Variants in VIRMA observed in about 807,000 individuals in gnomAD.
VIRMA encodes vir like m6A methyltransferase associated.
Under a neutral mutation model 182.4 loss-of-function variants are expected in VIRMA, and 65 were observed. That is an observed-to-expected ratio of 0.36 (90% CI 0.29 to 0.44). VIRMA has a LOEUF of 0.44. Among genes scored for constraint, VIRMA ranks in the 20% least tolerant of loss-of-function variants. VIRMA has a pLI of 1.00. For missense variants in VIRMA, 1,752 were observed against 2,158.1 expected (o/e 0.81, Z 3.73); for synonymous variants, 709 against 743.1 (o/e 0.95, Z 0.75).
At chr8:94,512,216 T>C in intron 11 of VIRMA, 127 bp from the exon 12 acceptor site, 1 of 357,242 alleles carries the variant, frequency 2.8e-6, no homozygotes, top group East Asian at 4.4e-5. Flanking sequence ...TTTATATTTA[T>C]TAAGTAAATT....
intron 16 of VIRMA, among the ~76,000 whole-genome samples, chr8:94,499,812 A>C (rs1210187049): frequency 6.6e-6 from 1 of 151,964 alleles, no homozygotes; most frequent in Non-Finnish European, 1.5e-5. Context: ...TGGGAGGCCG[A>C]AGGTGGTGGA....
chr8:94,545,852 A>C (rs1279372061), intron 1 of VIRMA, among the ~76,000 whole-genome samples: 1 of 152,134 alleles, frequency 6.6e-6, no homozygotes, highest in Non-Finnish European at 1.5e-5. Context: ...GGCAGGGTTC[A>C]AGAAGATCAG....
At chr8:94,541,422 T>C (rs1426149095) in intron 2 of VIRMA, among the ~76,000 whole-genome samples, 1 of 152,162 alleles carries the variant, frequency 6.6e-6, no homozygotes, top group Non-Finnish European at 1.5e-5. Flanking sequence ...TTAAAGGGAT[T>C]TTAATTTTAT....
rs1158307997 is a variant in VIRMA, at chr8:94,519,169, G to A, written c.2329C>T (p.His777Tyr). The change falls in exon 9 of 24, where the codon CAT becomes TAT. Residue 777 changes from histidine to tyrosine, a missense_variant. Transcript: ENST00000297591. ...TLQCITELFS[H>Y]FQRCTASEET... is the part of the protein sequence containing the mutation. ...TCACTGGCTGTACAACGCTGAAAAT[G>A]GCTGAACAGTTCTGTAATACATTGC... The A allele has an allele frequency of 1.2e-6, 2 of 1,613,996 alleles. No individual in the cohort carries two copies. Among genetic ancestry groups the A allele is most frequent in the Non-Finnish European group, 8.5e-7 (1 of 1,179,998 alleles).
At chr8:94,488,958 C>A in intron 23 of VIRMA, 98 bp from the exon 24 acceptor site, 4 of 1,351,510 alleles carry the variant, frequency 3.0e-6, no homozygotes, top group Non-Finnish European at 3.0e-6. Context: ...AAGAATTACT[C>A]TATTCTCTTT....
chr8:94,496,425 C>T lies in VIRMA; in HGVS notation c.4286G>A (p.Arg1429Gln), dbSNP rs745666981. 1 of 1,613,310 alleles carries T rather than the reference C, an allele frequency of 6.2e-7. No individual in the cohort carries two copies. Among genetic ancestry groups the T allele is most frequent in the Non-Finnish European group, 8.5e-7 (1 of 1,179,382 alleles). Reference sequence around the variant, plus strand: ...CTCTGCAGCATTAATACTCATCGTCCGTGATGTATGAGCTCCCTCTACTTC... The same window carrying T: ...CTCTGCAGCATTAATACTCATCGTCTGTGATGTATGAGCTCCCTCTACTTC... ...LMEVEGAHTS[R>Q]TMSINAAELK... Residue 1429 changes from arginine (R) to glutamine (Q), a missense_variant, in exon 18 of 24, where the codon CGG becomes CAG. This residue lies in a region of VIRMA where 777 missense variants were observed against 920.6 expected (regional missense o/e 0.84). Coordinates refer to ENST00000297591, the MANE Select transcript of VIRMA (RefSeq NM_015496.5).
rs111585924 is a variant in VIRMA, at chr8:94,504,451, G to A, written c.4097+2049C>T. ...ATGTTTTGTTCCTCACCTCTTTCAG[G>A]TCTTCATCTTTGTTCAAGGGTTTTT... On this transcript the variant is annotated intron_variant, in intron 16 of 23. Coordinates refer to ENST00000297591, the MANE Select transcript of VIRMA (RefSeq NM_015496.5). Among the ~76,000 whole-genome samples the A allele has an allele frequency of 4.1e-3, 628 of 152,168 alleles. 3 individuals carry two copies. Among genetic ancestry groups the A allele is most frequent in the Non-Finnish European group, 7.1e-3 (482 of 68,022 alleles).
Position 94,506,684 on chromosome 8 carries a change from C to T in VIRMA, c.3913G>A (p.Gly1305Ser). The T allele has an allele frequency of 6.2e-7, 1 of 1,613,670 alleles. No homozygotes were observed. The highest frequency in any genetic ancestry group is 8.5e-7 in the Non-Finnish European group (1 of 1,179,868). The change falls in exon 16 of 24, where the codon GGT becomes AGT. Residue 1305 changes from glycine to serine, a missense_variant. By Grantham distance (56) the Gly-to-Ser change is moderately conservative. Around this residue, in one of 11 missense-constraint regions of VIRMA, gnomAD observed 777 missense variants for 920.6 expected, o/e 0.84. Coordinates refer to ENST00000297591, the MANE Select transcript of VIRMA (RefSeq NM_015496.5). ...IALILPSSSE[G>S]SISELEQLSN... ...AGCTGCTCCAGTTCAGAAATAGAAC[C>T]TTCAGAAGAGCTTGGTAAGATAAGT... is the stretch of plus-strand genomic sequence containing the variant.
At chr8:94,496,224 A>G in intron 18 of VIRMA, 104 bp downstream of exon 18, 1 of 926,458 alleles carries the variant, frequency 1.1e-6, no homozygotes, top group Non-Finnish European at 1.6e-6. Flanking sequence ...ACAAACACCC[A>G]GCTAAAGATT....
At chr8:94,537,005 T>C (rs1260821645) in intron 4 of VIRMA, 98 bp downstream of exon 4, 6 of 822,850 alleles carry the variant, frequency 7.3e-6, no homozygotes, top group Admixed American at 2.1e-5. Context: ...AAAAAAAAGA[T>C]ATGACACTCT....
chr8:94,548,282 T>C (rs1187467437), intron 1 of VIRMA, among the ~76,000 whole-genome samples: 1 of 151,164 alleles, frequency 6.6e-6, no homozygotes, highest in Admixed American at 6.6e-5. Flanking sequence ...ACTTCTTGAT[T>C]CACAAAGATG....
intron 4 of VIRMA, among the ~76,000 whole-genome samples, chr8:94,535,234 T>C (rs556719052): frequency 6.6e-6 from 1 of 152,194 alleles, no homozygotes; most frequent in Non-Finnish European, 1.5e-5. Flanking sequence ...CCCAGTCCTA[T>C]GCTTTATGTC....
intron 9 of VIRMA, 81 bp from the exon 10 acceptor site, chr8:94,518,023 G>T: frequency 1.0e-5 from 10 of 990,352 alleles, no homozygotes; most frequent in Non-Finnish European, 1.5e-5. Context: ...CTTCTACTTG[G>T]CTTTAAAGAG....
intron 16 of VIRMA, among the ~76,000 whole-genome samples, chr8:94,503,350 T>C (rs1814056279): frequency 6.6e-6 from 1 of 152,228 alleles, no homozygotes; most frequent in Admixed American, 6.5e-5. Flanking sequence ...CAGTAATATA[T>C]AGAAACATCA....
chr8:94,537,139 A>G lies in VIRMA; in HGVS notation c.279T>C (p.Asp93=). 6.2e-7 allele frequency: 1 copy of G among 1,602,184 alleles called. No homozygotes were observed. The highest frequency in any genetic ancestry group is 8.6e-7 in the Non-Finnish European group (1 of 1,169,222). The change falls in exon 4 of 24, where the codon GAT becomes GAC. Residue 93 remains aspartate, a synonymous_variant. Transcript: ENST00000297591. Reference sequence around the variant, plus strand: ...GTCTAAAGATGATGGAAGTATTCTCATCATATTCCAGGCTGTCAAGAGAGT... The same window carrying G: ...GTCTAAAGATGATGGAAGTATTCTCGTCATATTCCAGGCTGTCAAGAGAGT... ...VFDRLGSLEY[D]ENTSIIFRPN...
chr8:94,552,483 A>T (rs1456625764), intron 1 of VIRMA, among the ~76,000 whole-genome samples: 1 of 152,242 alleles, frequency 6.6e-6, no homozygotes, highest in Non-Finnish European at 1.5e-5. Flanking sequence ...CACACTTGAT[A>T]AAAATAAAAG....
At chr8:94,536,441 TAAGA>T (rs1815345258) in intron 4 of VIRMA, among the ~76,000 whole-genome samples, 1 of 152,188 alleles carries the variant, frequency 6.6e-6, no homozygotes, top group African/African-American at 2.4e-5. Context: ...ATATTTTTGA[TAAGA>T]AAGGAGAAAT....
Position 94,519,214 on chromosome 8 carries a change from G to A in VIRMA, c.2284C>T (p.Gln762Ter). 1 of 1,613,514 alleles carries A rather than the reference G, an allele frequency of 6.2e-7. No individual in the cohort carries two copies. The highest frequency in any genetic ancestry group is 8.5e-7 in the Non-Finnish European group (1 of 1,179,946). ...VIDDAFALWL[Q>*]DSTQTLQCIT... The stretch of plus-strand genomic sequence containing the variant: ...CATTGCAATGTCTGTGTTGAGTCCT[G>A]TAGCCACAAGGCAAATGCATCATCA... The change falls in exon 9 of 24, where the codon CAG (glutamine) becomes TAG (stop). Residue 762 changes from glutamine (Q) to a stop codon, truncating the protein, a stop_gained. Coordinates refer to ENST00000297591, the MANE Select transcript of VIRMA (RefSeq NM_015496.5). LOFTEE classifies it high-confidence loss of function.
At chr8:94,506,764 C>T (rs1466628732) in intron 15 of VIRMA, 47 bp from the exon 16 acceptor site, 1 of 1,198,904 alleles carries the variant, frequency 8.3e-7, no homozygotes, top group African/African-American at 1.5e-5. Flanking sequence ...ATAATTATCA[C>T]CATCACTTAG....
Sources: allele counts gnomAD v4.1 joint callset (sites outside exome capture counted in the v4.1 genomes callset), GRCh38; gene constraint gnomAD v4.1.1; regional missense constraint gnomAD v4.1.1; transcripts MANE v1.5; gene names NCBI Gene and HGNC (gene_info 2026-07-23, HGNC 2026-07-21).